The following SBF2 variants were observed in gnomAD, a reference collection of about 807,000 sequenced individuals.
The protein encoded by SBF2 is myotubularin-related protein 13.
A neutral mutation model predicts 225.2 loss-of-function variants in SBF2; 112 were observed. The observed-to-expected ratio is 0.50, with a 90% CI of 0.43 to 0.58. The LOEUF is 0.58. Ranked by LOEUF, SBF2 falls within the 20% of genes least tolerant of loss-of-function variation. The pLI, the probability that SBF2 is intolerant of heterozygous loss-of-function variation, is 0.00. For synonymous variants in SBF2, 763 were observed against 773.3 expected (o/e 0.99, Z 0.22); for missense variants, 1,996 against 2,206.2 (o/e 0.90, Z 1.91).
chr11:10,198,365 G>C (rs1957453192), intron 1 of SBF2, among the ~76,000 whole-genome samples: 1 of 152,148 alleles, frequency 6.6e-6, no homozygotes, highest in Non-Finnish European at 1.5e-5. Flanking sequence ...GTAATATTTT[G>C]AGAGGAATAT....
At position 9,852,754 on chromosome 11, in the gene SBF2, G is replaced by A. The variant is rs886048783; in HGVS notation, c.2537-5C>T. 1 of 1,601,028 alleles carries A rather than the reference G, an allele frequency of 6.2e-7. No individual in the cohort carries two copies. Among genetic ancestry groups the A allele is most frequent in the Non-Finnish European group, 8.6e-7 (1 of 1,168,360 alleles). On this transcript the variant is annotated splice_region_variant and splice_polypyrimidine_tract_variant and intron_variant, in intron 20 of 39. Coordinates refer to ENST00000256190, the MANE Select transcript of SBF2 (RefSeq NM_030962.4). The stretch of plus-strand genomic sequence containing the variant: ...CAATGTGCATAGCTACAATTCCTAG[G>A]ATGAGTCAGAGTATTCAAAATGAAA...
chr11:9,847,224 C>T (rs1856612179), intron 22 of SBF2, 141 bp from the exon 23 acceptor site: 1 of 999,964 alleles, frequency 1.0e-6, no homozygotes, highest in East Asian at 2.4e-5. Context: ...AGAAAGTGCC[C>T]TTCACTCCAG....
chr11:10,179,765 C>G (rs1956653782), intron 2 of SBF2, among the ~76,000 whole-genome samples: 1 of 152,112 alleles, frequency 6.6e-6, no homozygotes, highest in East Asian at 1.9e-4. Context: ...GTTTTGCAGT[C>G]TTCTCTTCCT....
intron 2 of SBF2, among the ~76,000 whole-genome samples, chr11:10,043,667 T>C (rs1949744104): frequency 6.6e-6 from 1 of 152,074 alleles, no homozygotes; most frequent in African/African-American, 2.4e-5. Context: ...CCCAACCCCC[T>C]GGGCTCAGGC....
intron 17 of SBF2, among the ~76,000 whole-genome samples, chr11:9,882,368 G>A (rs138735875): frequency 1.3e-5 from 2 of 152,208 alleles, no homozygotes; most frequent in East Asian, 3.8e-4. Flanking sequence ...AAGAATAATT[G>A]TTAATGGTGA....
intron 26 of SBF2, among the ~76,000 whole-genome samples, chr11:9,833,668 C>T (rs1855550801): frequency 1.3e-5 from 2 of 152,086 alleles, no homozygotes; most frequent in South Asian, 4.1e-4. Context: ...GATCTGCCCA[C>T]CTTGGCCTCC....
At chr11:10,093,449 T>A (rs1197322078) in intron 2 of SBF2, among the ~76,000 whole-genome samples, 2 of 152,108 alleles carry the variant, frequency 1.3e-5, no homozygotes, top group Middle Eastern at 3.4e-3. Context: ...AGATGTAAGA[T>A]TTAATTTTAT....
chr11:9,787,502 A>AC (rs1852450457), intron 36 of SBF2, 132 bp downstream of exon 36: 1 of 744,468 alleles, frequency 1.3e-6, no homozygotes, highest in Middle Eastern at 3.6e-4. Flanking sequence ...CCAGGACATG[A>AC]CCCCTCCCCT....
At chr11:9,963,912 T>C (rs758993697) in intron 14 of SBF2, 30 bp from the exon 15 acceptor site, 2 of 1,253,820 alleles carry the variant, frequency 1.6e-6, no homozygotes, top group African/African-American at 1.5e-5. Context: ...AAAGCACAAA[T>C]AAATTAAACT....
chr11:10,212,761 G>A lies in SBF2; in HGVS notation c.56-18774C>T, dbSNP rs775725595. The stretch of plus-strand genomic sequence containing the variant: ...ATCTTGAGTCTGATGGTTAAGTTCT[G>A]TTACTCGCGGCAGGGCGCGCTGGCT... On this transcript the variant is annotated intron_variant, in intron 1 of 39. Transcript: ENST00000256190. Among the ~76,000 whole-genome samples the A allele has an allele frequency of 8.5e-5, 13 of 152,144 alleles. 1 individual carries two copies. Among genetic ancestry groups the A allele is most frequent in the Non-Finnish European group, 1.9e-4 (13 of 68,032 alleles).
intron 16 of SBF2, among the ~76,000 whole-genome samples, chr11:9,905,822 A>G (rs1862071091): frequency 6.6e-6 from 1 of 152,206 alleles, no homozygotes; most frequent in African/African-American, 2.4e-5. Context: ...GTGTGTGAGA[A>G]AGGAGAGGGA....
chr11:9,979,508 T>C (rs1946848336), intron 13 of SBF2, among the ~76,000 whole-genome samples: 1 of 152,228 alleles, frequency 6.6e-6, no homozygotes, highest in South Asian at 2.1e-4. Flanking sequence ...TCTAACAGAA[T>C]TCTACCAGAT....
chr11:9,823,563 T>C (rs1180062136), intron 28 of SBF2, among the ~76,000 whole-genome samples: 1 of 151,394 alleles, frequency 6.6e-6, no homozygotes, highest in Non-Finnish European at 1.5e-5. Context: ...CACAGTGGTA[T>C]CTAACTCTGG....
intron 16 of SBF2, among the ~76,000 whole-genome samples, chr11:9,906,591 A>G (rs572145414): frequency 1.4e-4 from 21 of 152,330 alleles, no homozygotes; most frequent in African/African-American, 4.8e-4. Context: ...GAGACATTCT[A>G]AGTTAATTAG....
At chr11:10,112,095 A>G (rs1440036898) in intron 2 of SBF2, among the ~76,000 whole-genome samples, 1 of 152,226 alleles carries the variant, frequency 6.6e-6, no homozygotes, top group Non-Finnish European at 1.5e-5. Flanking sequence ...CATGAACTAA[A>G]TGTCACATTC....
intron 1 of SBF2, among the ~76,000 whole-genome samples, chr11:10,273,985 T>A (rs1001868949): frequency 6.6e-6 from 1 of 152,252 alleles, no homozygotes; most frequent in Non-Finnish European, 1.5e-5. Flanking sequence ...AGGAGGAAAC[T>A]ATACCTTGCA....
chr11:10,028,603 CATTTTTTAAAA>C (rs1949134507), intron 5 of SBF2, 46 bp from the exon 6 acceptor site: 1 of 1,142,830 alleles, frequency 8.8e-7, no homozygotes, highest in South Asian at 1.2e-5. Flanking sequence ...CGATTTCAGC[CATTTTTTAAAA>C]AATAAAAATA....
intron 2 of SBF2, among the ~76,000 whole-genome samples, chr11:10,128,585 A>T (rs1182860712): frequency 6.6e-6 from 1 of 152,236 alleles, no homozygotes; most frequent in Non-Finnish European, 1.5e-5. Context: ...TAGATAAAGA[A>T]AAATAATCTG....
At chr11:10,156,026 C>A (rs1435665452) in intron 2 of SBF2, among the ~76,000 whole-genome samples, 1 of 152,198 alleles carries the variant, frequency 6.6e-6, no homozygotes, top group Non-Finnish European at 1.5e-5. Flanking sequence ...CCAGGCACAG[C>A]TGCAGCCGCC....
Sources: gnomAD v4.1 joint callset for allele counts (sites outside exome capture counted in the v4.1 genomes callset) on GRCh38, gnomAD v4.1.1 for gene constraint, MANE v1.5 for transcripts, NCBI Gene and HGNC (gene_info 2026-07-23, HGNC 2026-07-21) for gene names.